WDR25: variants seen among roughly 807,000 people sequenced by gnomAD.
WDR25 encodes WD repeat domain 25.
Under a neutral mutation model 47.7 loss-of-function variants are expected in WDR25, and 35 were observed. The ratio of observed to expected loss-of-function variants is 0.73; its 90% CI spans 0.56 to 0.97. WDR25 has a LOEUF of 0.97. Among genes scored for constraint, WDR25 ranks in the 50% least tolerant of loss-of-function variants. The pLI is 0.00. For missense variants in WDR25, 634 were observed against 704.7 expected, an observed-to-expected ratio of 0.90 and a Z score of 1.14; for synonymous variants, 248 against 278.9, an observed-to-expected ratio of 0.89 and a Z score of 1.10.
chr14:100,425,689 AAGG>A lies in WDR25; in HGVS notation c.823-42329_823-42327del, dbSNP rs1451933215. Among the ~76,000 whole-genome samples the A allele has an allele frequency of 6.6e-6, 1 of 152,160 alleles. No individual in the cohort carries two copies. The highest frequency in any genetic ancestry group is 1.5e-5 in the Non-Finnish European group (1 of 68,026). On this transcript the variant is annotated intron_variant, in intron 2 of 6. Coordinates refer to ENST00000402312, the MANE Select transcript of WDR25 (RefSeq NM_001161476.3). This position sits in a 1 kb window ranked among gnomAD's most constrained non-coding sequence, Gnocchi z 4.8. ...GAGGTCCTGACAAGCTTTCGTTTTG[AAGG>A]AGTTCTCAAAAATGACAGGTTTTAT...
At chr14:100,405,451 A>G (rs113385563) in intron 2 of WDR25, among the ~76,000 whole-genome samples, 11,982 of 152,146 alleles carry the variant, frequency 0.079, 1,445 homozygotes, top group African/African-American at 0.26. Flanking sequence ...ATGAGCCACC[A>G]TGCCTGGCCT....
At chr14:100,389,498 C>T (rs1041362388) in intron 2 of WDR25, among the ~76,000 whole-genome samples, 1 of 152,174 alleles carries the variant, frequency 6.6e-6, no homozygotes, top group African/African-American at 2.4e-5. Flanking sequence ...AGCTCTCATG[C>T]GGACCCCTCA....
chr14:100,482,690 G>A (rs536716628), intron 3 of WDR25, among the ~76,000 whole-genome samples: 46 of 152,282 alleles, frequency 3.0e-4, no homozygotes, highest in African/African-American at 1.1e-3. Context: ...CTTCACTAAT[G>A]TGTGGGGGTC....
chr14:100,480,939 C>A, intron 3 of WDR25: 1 of 398,794 alleles, frequency 2.5e-6, no homozygotes, highest in Non-Finnish European at 4.9e-6. Flanking sequence ...TGCACCCTCC[C>A]CATTGCCAGG....
At chr14:100,406,215 A>G (rs1897534231) in intron 2 of WDR25, among the ~76,000 whole-genome samples, 1 of 152,212 alleles carries the variant, frequency 6.6e-6, no homozygotes, top group Admixed American at 6.5e-5. Context: ...GACCTGGAGC[A>G]GTCGGCTTCG....
intron 2 of WDR25, among the ~76,000 whole-genome samples, chr14:100,422,079 T>C (rs1445249488): frequency 6.6e-6 from 1 of 152,240 alleles, no homozygotes; most frequent in African/African-American, 2.4e-5. Context: ...CTTAAAACAA[T>C]AATGTTTATT....
In WDR25 at chr14:100,499,353, A is replaced by G. The variant is rs1900839225; in HGVS notation, c.1101+15229A>G. Among the ~76,000 whole-genome samples, 1 of 152,158 alleles carries G rather than the reference A, an allele frequency of 6.6e-6. No homozygotes were observed. Among genetic ancestry groups the G allele is most frequent in the Non-Finnish European group, 1.5e-5 (1 of 68,034 alleles). On this transcript the variant is annotated intron_variant, in intron 4 of 6. Transcript: ENST00000402312. The surrounding 1 kb of genome is among the most constrained non-coding windows in gnomAD (Gnocchi z 4.4). ...CCAAGATGTATTTAACCAGCCCTCTATTGTTGGGTGTTTATAAGATTTCCA... is the reference window on the plus strand; with the variant it reads ...CCAAGATGTATTTAACCAGCCCTCTGTTGTTGGGTGTTTATAAGATTTCCA...
At chr14:100,492,999 A>T (rs1319164659) in intron 4 of WDR25, among the ~76,000 whole-genome samples, 2 of 152,086 alleles carry the variant, frequency 1.3e-5, no homozygotes, top group Non-Finnish European at 2.9e-5. Flanking sequence ...TTCTGTAGAG[A>T]AGGGTCTCAC....
At chr14:100,416,611 G>A (rs1897876577) in intron 2 of WDR25, among the ~76,000 whole-genome samples, 1 of 152,054 alleles carries the variant, frequency 6.6e-6, no homozygotes, top group Admixed American at 6.5e-5. Flanking sequence ...TGGCTCAAGG[G>A]TCCCCTTCTC....
In WDR25 at chr14:100,529,161, G is replaced by A. The variant is rs541969173; in HGVS notation, c.1366G>A (p.Val456Met). 2 of 1,612,016 alleles carry A rather than the reference G, an allele frequency of 1.2e-6. No homozygotes were observed. Among genetic ancestry groups the A allele is most frequent in the Admixed American group, 3.3e-5 (2 of 60,002 alleles). The change falls in exon 6 of 7, where the codon GTG becomes ATG. Residue 456 changes from valine (V) to methionine (M), a missense_variant. Transcript: ENST00000402312. This position sits in a 1 kb window ranked among gnomAD's most constrained non-coding sequence, Gnocchi z 5.1. ...NGNYLALFSTVWPYRMSRRRR... is the reference protein window; with the variant it reads ...NGNYLALFSTMWPYRMSRRRR... ...CAACTACCTGGCCCTTTTCTCCACT[G>A]TGTGGCCCTACCGGATGAGCAGACG...
intron 2 of WDR25, among the ~76,000 whole-genome samples, chr14:100,405,310 C>T (rs1169270779): frequency 6.6e-6 from 1 of 152,008 alleles, no homozygotes; most frequent in Non-Finnish European, 1.5e-5. Context: ...TACAGGCATG[C>T]ACCACCACGC....
intron 4 of WDR25, among the ~76,000 whole-genome samples, chr14:100,492,820 A>T (rs1334747394): frequency 6.6e-6 from 1 of 152,102 alleles, no homozygotes; most frequent in Non-Finnish European, 1.5e-5. Flanking sequence ...TAACTAAAAA[A>T]ATTTCTTTAG....
intron 2 of WDR25, among the ~76,000 whole-genome samples, chr14:100,401,110 G>T (rs749968012): frequency 3.9e-5 from 6 of 152,122 alleles, no homozygotes; most frequent in Non-Finnish European, 5.9e-5. Context: ...TATTGCTTGC[G>T]GATTTCATAA....
chr14:100,479,967 G>A (rs1595131888), intron 3 of WDR25, among the ~76,000 whole-genome samples: 1 of 152,242 alleles, frequency 6.6e-6, no homozygotes, highest in Non-Finnish European at 1.5e-5. Flanking sequence ...CATCCCGAAA[G>A]CACCCCCATC....
chr14:100,396,348 A>T (rs1897260659), intron 2 of WDR25, among the ~76,000 whole-genome samples: 2 of 152,164 alleles, frequency 1.3e-5, no homozygotes, highest in South Asian at 4.1e-4. Flanking sequence ...TTATTTATTT[A>T]TAAATCTTAA....
At chr14:100,452,101 G>A (rs534660793) in intron 2 of WDR25, among the ~76,000 whole-genome samples, 10 of 151,488 alleles carry the variant, frequency 6.6e-5, no homozygotes, top group African/African-American at 1.9e-4. Context: ...CCATCCATCC[G>A]TCCATCATCC....
At chr14:100,411,541 T>TC (rs1009897988) in intron 2 of WDR25, among the ~76,000 whole-genome samples, 1 of 151,888 alleles carries the variant, frequency 6.6e-6, no homozygotes, top group Non-Finnish European at 1.5e-5. Context: ...TTTTTGCTTT[T>TC]TTTTTTTTTT....
chr14:100,508,775 G>A (rs963247151), intron 4 of WDR25, among the ~76,000 whole-genome samples: 4 of 152,104 alleles, frequency 2.6e-5, no homozygotes, highest in African/African-American at 9.7e-5. Flanking sequence ...GTTTAAGAAA[G>A]CTACCTTCTA....
At chr14:100,419,375 TG>T (rs1258524225) in intron 2 of WDR25, among the ~76,000 whole-genome samples, 2 of 152,074 alleles carry the variant, frequency 1.3e-5, no homozygotes, top group Non-Finnish European at 2.9e-5. Flanking sequence ...AGATGAACAG[TG>T]TTTAGAATTG....
Sources: gnomAD v4.1 joint callset for allele counts (sites outside exome capture counted in the v4.1 genomes callset) on GRCh38, gnomAD v4.1.1 for gene constraint, Gnocchi (gnomAD v3.1) non-coding constraint, MANE v1.5 for transcripts, NCBI Gene and HGNC (gene_info 2026-07-23, HGNC 2026-07-21) for gene names.